The following HTR2A variants were observed in gnomAD, a reference collection of about 807,000 sequenced individuals.
The protein encoded by HTR2A is 5-HT2 receptor.
In HTR2A, 14 loss-of-function variants were observed where a neutral mutation model predicts 31.0. The ratio of observed to expected loss-of-function variants is 0.45; its 90% CI spans 0.30 to 0.71. HTR2A has a LOEUF of 0.71. Among genes scored for constraint, HTR2A ranks in the 30% least tolerant of loss-of-function variants. HTR2A has a pLI of 0.09. For synonymous variants in HTR2A, 209 were observed against 225.2 expected, an observed-to-expected ratio of 0.93 and a Z score of 0.64; for missense variants, 442 against 573.3, an observed-to-expected ratio of 0.77 and a Z score of 2.34.
In HTR2A at chr13:46,892,552, A is replaced by G. The variant is rs1951062407; in HGVS notation, c.451T>C (p.Trp151Arg). 6.2e-7 allele frequency: 1 copy of G among 1,614,230 alleles called. No individual in the cohort carries two copies. Among genetic ancestry groups the G allele is most frequent in the Non-Finnish European group, 8.5e-7 (1 of 1,180,034 alleles). ...GAGAAGAGCACGTCCAGGTAAATCC[A>G]GACTGCACAAAGCTTGCTCGGCAGA... ...WPLPSKLCAV[W>R]IYLDVLFSTA... is the part of the protein sequence containing the mutation. The change falls in exon 3 of 4, where the codon TGG becomes CGG. Residue 151 changes from tryptophan (W) to arginine (R), a missense_variant. Physicochemically the swap from Trp to Arg is moderately radical, Grantham distance 101. Around this residue, in one of 5 missense-constraint regions of HTR2A, gnomAD observed 86 missense variants for 179.1 expected, o/e 0.48. Coordinates refer to ENST00000542664, the MANE Select transcript of HTR2A (RefSeq NM_000621.5).
chr13:46,895,486 G>T lies in HTR2A; in HGVS notation c.412+9C>A. The T allele has an allele frequency of 6.2e-7, 1 of 1,610,278 alleles. No homozygotes were observed. The highest frequency in any genetic ancestry group is 8.5e-7 in the Non-Finnish European group (1 of 1,177,372). ...GTGCGAATATAGCTGGGAAACTAAT[G>T]CCACTCACCATACAGGATGGTTAAC... On this transcript the variant is annotated intron_variant, in intron 2 of 3. Coordinates refer to ENST00000542664, the MANE Select transcript of HTR2A (RefSeq NM_000621.5). The surrounding 1 kb of genome is among the most constrained non-coding windows in gnomAD (Gnocchi z 4.4).
At chr13:46,856,609 C>CA (rs903429999) in intron 3 of HTR2A, among the ~76,000 whole-genome samples, 25 of 151,198 alleles carry the variant, frequency 1.7e-4, no homozygotes, top group Middle Eastern at 3.4e-3. Flanking sequence ...AAAAAAAATA[C>CA]AAAAAAACAC....
intron 3 of HTR2A, among the ~76,000 whole-genome samples, chr13:46,843,473 T>C (rs1298366648): frequency 6.6e-6 from 1 of 152,108 alleles, no homozygotes; most frequent in African/African-American, 2.4e-5. Flanking sequence ...GGTTGACTAT[T>C]AACCTAAGTT....
chr13:46,858,057 T>C (rs1386921581), intron 3 of HTR2A, among the ~76,000 whole-genome samples: 2 of 151,944 alleles, frequency 1.3e-5, no homozygotes, highest in Non-Finnish European at 2.9e-5. Context: ...CCTAAGACAG[T>C]GGCAGGGAGC....
intron 3 of HTR2A, among the ~76,000 whole-genome samples, chr13:46,840,647 T>C (rs1566299983): frequency 6.6e-6 from 1 of 152,170 alleles, no homozygotes; most frequent in Non-Finnish European, 1.5e-5. Context: ...TACTCAGGGT[T>C]CTTAATTCTT....
chr13:46,898,034 C>T (rs577078477), upstream of HTR2A, among the ~76,000 whole-genome samples: 10 of 152,156 alleles, frequency 6.6e-5, no homozygotes, highest in Middle Eastern at 3.2e-3. Flanking sequence ...GCTGCCAGAT[C>T]CCACTTCGTC....
intron 3 of HTR2A, among the ~76,000 whole-genome samples, chr13:46,879,861 C>T (rs1485248656): frequency 6.6e-6 from 1 of 152,046 alleles, no homozygotes; most frequent in Non-Finnish European, 1.5e-5. Context: ...AAAAATTAGC[C>T]AGGTGTGGTG....
At chr13:46,857,833 G>A (rs1329042623) in intron 3 of HTR2A, among the ~76,000 whole-genome samples, 2 of 152,142 alleles carry the variant, frequency 1.3e-5, no homozygotes, top group East Asian at 1.9e-4. Context: ...GCCACATCTC[G>A]AAGGGCCTTG....
chr13:46,844,648 CAA>C (rs1593427164), intron 3 of HTR2A, among the ~76,000 whole-genome samples: 2 of 152,138 alleles, frequency 1.3e-5, no homozygotes, highest in South Asian at 4.1e-4. Flanking sequence ...TTATTTTTCA[CAA>C]AGTGTCTTTC....
chr13:46,896,298 GGTTATGCCGATGGTACTA>G, intron 1 of HTR2A, 64 bp from the exon 2 acceptor site: 1 of 965,118 alleles, frequency 1.0e-6, no homozygotes. Flanking sequence ...TCATTTTGTT[GGTTATGCCGATGGTACTA>G]GTTTAGCAAC....
chr13:46,872,517 T>C (rs1950870252), intron 3 of HTR2A, among the ~76,000 whole-genome samples: 1 of 152,190 alleles, frequency 6.6e-6, no homozygotes, highest in Non-Finnish European at 1.5e-5. Flanking sequence ...TATTTTATTA[T>C]ATAGATTTGT....
chr13:46,847,824 A>G (rs1214058123), intron 3 of HTR2A, among the ~76,000 whole-genome samples: 1 of 152,128 alleles, frequency 6.6e-6, no homozygotes, highest in Non-Finnish European at 1.5e-5. Flanking sequence ...TGGGATTCGG[A>G]TAAAAATTGT....
intron 3 of HTR2A, among the ~76,000 whole-genome samples, chr13:46,855,720 C>T (rs1476406254): frequency 6.6e-6 from 1 of 152,080 alleles, no homozygotes; most frequent in Non-Finnish European, 1.5e-5. Flanking sequence ...AAGTACTGCT[C>T]CCCCAAAAAT....
chr13:46,844,770 T>C (rs1382902970), intron 3 of HTR2A, among the ~76,000 whole-genome samples: 3 of 152,240 alleles, frequency 2.0e-5, no homozygotes, highest in Admixed American at 1.3e-4. Flanking sequence ...TGTTAATCAC[T>C]AGCTGGGTGA....
At chr13:46,868,781 T>C (rs1229951358) in intron 3 of HTR2A, among the ~76,000 whole-genome samples, 1 of 152,184 alleles carries the variant, frequency 6.6e-6, no homozygotes, top group Non-Finnish European at 1.5e-5. Flanking sequence ...CAGCTGCTTA[T>C]ATAATGTTAT....
upstream of HTR2A, chr13:46,897,102 G>C (rs1031352819): frequency 5.5e-6 from 2 of 362,322 alleles, no homozygotes; most frequent in Non-Finnish European, 9.8e-6. Context: ...TATGTCATAA[G>C]CTGCAAGGTA....
At chr13:46,842,485 C>A (rs911361597) in intron 3 of HTR2A, among the ~76,000 whole-genome samples, 2 of 152,086 alleles carry the variant, frequency 1.3e-5, no homozygotes, top group East Asian at 1.9e-4. Flanking sequence ...AGCTAGATTG[C>A]GGCAGGTGCG....
At chr13:46,873,173 A>G (rs781136182) in intron 3 of HTR2A, among the ~76,000 whole-genome samples, 3 of 151,646 alleles carry the variant, frequency 2.0e-5, no homozygotes, top group Non-Finnish European at 4.4e-5. Flanking sequence ...TTAACCTTGG[A>G]ACCAGTTTAT....
rs776309770 is a variant in HTR2A, at chr13:46,834,016, A to G, written c.*821T>C. ...ACAGCAAGTTACCAAATACCTCGAT[A>G]GTGCTGTTTTAGAGAAGCAATTGCT... On this transcript the variant is annotated 3_prime_UTR_variant, in exon 4 of 4. Transcript: ENST00000542664. 2 of 152,296 alleles carry G rather than the reference A, an allele frequency of 1.3e-5. No homozygotes were observed. Among genetic ancestry groups the G allele is most frequent in the Admixed American group, 6.5e-5 (1 of 15,286 alleles). The allele number at this position is 152,296 out of a possible 1,614,324, so 9.4% of individuals were successfully genotyped here.
Sources: gnomAD v4.1 joint callset for allele counts (sites outside exome capture counted in the v4.1 genomes callset) on GRCh38, gnomAD v4.1.1 for gene constraint, gnomAD v4.1.1 regional missense constraint, Gnocchi (gnomAD v3.1) non-coding constraint, MANE v1.5 for transcripts, NCBI Gene and HGNC (gene_info 2026-07-23, HGNC 2026-07-21) for gene names.